The following SPATA6 variants were observed in gnomAD, a reference collection of about 807,000 sequenced individuals.
SPATA6 encodes the protein spermatogenesis associated 6, also known as spermatogenesis-associated protein 6.
A neutral mutation model predicts 65.3 loss-of-function variants in SPATA6; 56 were observed. The observed-to-expected ratio is 0.86, with a 90% confidence interval of 0.69 to 1.07. The LOEUF (loss-of-function observed/expected upper bound fraction) is 1.07. Ranked by LOEUF, SPATA6 falls within the 50% of genes least tolerant of loss-of-function variation. SPATA6 has a pLI of 0.00. For synonymous variants in SPATA6, 199 were observed against 213.2 expected (o/e 0.93, Z 0.58); for missense variants, 590 against 594.8 (o/e 0.99, Z 0.08).
At chr1:48,440,538 G>C (rs114732038) in intron 3 of SPATA6, among the ~76,000 whole-genome samples, 3,757 of 152,220 alleles carry the variant, frequency 0.025, 100 homozygotes, top group African/African-American at 0.067. Context: ...CCACTGGGAC[G>C]TCGACTCCGA....
At chr1:48,434,259 G>GAAAAAAAAAAA (rs530291772) in intron 3 of SPATA6, among the ~76,000 whole-genome samples, 2 of 109,864 alleles carry the variant, frequency 1.8e-5, no homozygotes, top group South Asian at 2.8e-4. Context: ...AGCAGTGAAA[G>GAAAAAAAAAAA]AAAAAAAAAA....
At chr1:48,335,757 T>C (rs552367059) in intron 11 of SPATA6, among the ~76,000 whole-genome samples, 2 of 152,192 alleles carry the variant, frequency 1.3e-5, no homozygotes, top group East Asian at 3.9e-4. Flanking sequence ...TCCAAAGCAA[T>C]TGCAACAAAA....
At chr1:48,410,696 G>A (rs183104405) in intron 5 of SPATA6, among the ~76,000 whole-genome samples, 9 of 152,148 alleles carry the variant, frequency 5.9e-5, no homozygotes, top group Non-Finnish European at 1.2e-4. Flanking sequence ...GGCAGCAGGC[G>A]AGAGAGAAAA....
chr1:48,448,717 A>G (rs754689581), intron 3 of SPATA6, among the ~76,000 whole-genome samples: 1 of 152,224 alleles, frequency 6.6e-6, no homozygotes, highest in Admixed American at 6.5e-5. Flanking sequence ...AAAAGGAATG[A>G]ACTACTTAGA....
chr1:48,414,085 C>T (rs564977245), intron 3 of SPATA6, among the ~76,000 whole-genome samples: 306 of 152,260 alleles, frequency 2.0e-3, no homozygotes, highest in African/African-American at 7.0e-3. Context: ...GAGAGCACTT[C>T]CAGCATGACT....
chr1:48,399,078 A>T, intron 7 of SPATA6: 1 of 321,024 alleles, frequency 3.1e-6, no homozygotes, highest in Non-Finnish European at 5.6e-6. Context: ...TGGTAGCGTT[A>T]TTATGCTATC....
intron 8 of SPATA6, among the ~76,000 whole-genome samples, chr1:48,392,464 A>G (rs1350285328): frequency 2.0e-5 from 3 of 152,184 alleles, no homozygotes; most frequent in Non-Finnish European, 4.4e-5. Context: ...TTAGAATTAT[A>G]TAACATGGCA....
chr1:48,429,425 C>T (rs574353005), intron 3 of SPATA6, among the ~76,000 whole-genome samples: 1 of 152,216 alleles, frequency 6.6e-6, no homozygotes, highest in African/African-American at 2.4e-5. Flanking sequence ...TACATTTATA[C>T]TTTAGGCTGA....
chr1:48,283,835 G>T, the SPATA6 span, among the ~76,000 whole-genome samples: 2 of 151,932 alleles, frequency 1.3e-5, no homozygotes, highest in African/African-American at 2.4e-5. Context: ...TGGGTAACCC[G>T]ACCTTTCTCT....
At chr1:48,327,174 A>C (rs74689570) in intron 11 of SPATA6, among the ~76,000 whole-genome samples, 4,027 of 152,282 alleles carry the variant, frequency 0.026, 180 homozygotes, top group African/African-American at 0.092. Context: ...ACCAATAAAA[A>C]ACCAGGCAAA....
At chr1:48,317,615 C>G (rs1323337084) in intron 11 of SPATA6, among the ~76,000 whole-genome samples, 2 of 152,058 alleles carry the variant, frequency 1.3e-5, no homozygotes, top group Admixed American at 1.3e-4. Flanking sequence ...CAACATAGCA[C>G]ATGTATATAT....
chr1:48,283,783 T>C, the SPATA6 span, among the ~76,000 whole-genome samples: 6 of 151,912 alleles, frequency 3.9e-5, no homozygotes, highest in Admixed American at 3.3e-4. Context: ...ATTTAGGGTT[T>C]CTGCAGAGAA....
chr1:48,352,637 A>G (rs1219056677), intron 11 of SPATA6, among the ~76,000 whole-genome samples: 3 of 152,078 alleles, frequency 2.0e-5, no homozygotes, highest in Non-Finnish European at 2.9e-5. Context: ...GAAAAACAGC[A>G]AAGAGATATT....
intron 3 of SPATA6, among the ~76,000 whole-genome samples, chr1:48,435,808 G>C (rs769924280): frequency 9.9e-4 from 150 of 152,192 alleles, no homozygotes; most frequent in Non-Finnish European, 1.6e-3. Context: ...CAGGGCTCTG[G>C]CGCCCGCCCC....
At chr1:48,366,021 CAA>C (rs1415324870) in intron 9 of SPATA6, among the ~76,000 whole-genome samples, 1 of 152,152 alleles carries the variant, frequency 6.6e-6, no homozygotes, top group Non-Finnish European at 1.5e-5. Context: ...TGAATTTTAT[CAA>C]AGTCTTTTTC....
chr1:48,333,091 A>C (rs140290251), intron 11 of SPATA6, among the ~76,000 whole-genome samples: 11 of 152,280 alleles, frequency 7.2e-5, no homozygotes, highest in Middle Eastern at 3.4e-3. Flanking sequence ...GAAGAGATTA[A>C]CATTTGAGTA....
At chr1:48,275,544 CAAG>C in the SPATA6 span, among the ~76,000 whole-genome samples, 8 of 152,066 alleles carry the variant, frequency 5.3e-5, no homozygotes, top group African/African-American at 1.9e-4. Flanking sequence ...GAGTTTTTAG[CAAG>C]AAGGGGTGCT....
the SPATA6 span, among the ~76,000 whole-genome samples, chr1:48,268,198 A>AC: frequency 6.6e-6 from 1 of 151,616 alleles, no homozygotes; most frequent in Non-Finnish European, 1.5e-5. Flanking sequence ...CTTGCCAGGG[A>AC]CCCCACCCTT....
chr1:48,416,530 A>T (rs1652804540), intron 3 of SPATA6, among the ~76,000 whole-genome samples: 1 of 152,214 alleles, frequency 6.6e-6, no homozygotes, highest in Non-Finnish European at 1.5e-5. Context: ...CACACAAATA[A>T]ATAATATTTT....
Sources: allele counts gnomAD v4.1 joint callset (sites outside exome capture counted in the v4.1 genomes callset), GRCh38; gene constraint gnomAD v4.1.1; transcripts MANE v1.5; gene names NCBI Gene and HGNC (gene_info 2026-07-23, HGNC 2026-07-21).